HSPA4L: variants seen among roughly 807,000 people sequenced by gnomAD.
HSPA4L encodes the protein heat shock protein family A (Hsp70) member 4 like, also known as heat shock 70 kDa protein 4L.
In HSPA4L, 48 loss-of-function variants were observed where a neutral mutation model predicts 100.3. The observed-to-expected ratio is 0.48, with a 90% CI of 0.38 to 0.61. HSPA4L has a LOEUF of 0.61. HSPA4L is among the 20% of genes least tolerant of loss of function. HSPA4L has a pLI of 0.00. For synonymous variants in HSPA4L, 319 were observed against 328.2 expected (o/e 0.97, Z 0.30); for missense variants, 886 against 988.6 (o/e 0.90, Z 1.39).
Position 127,830,725 on chromosome 4 carries a change from A to G in HSPA4L, c.2254A>G (p.Met752Val), listed in dbSNP as rs1734059363. 1.2e-6 allele frequency: 2 copies of G among 1,611,120 alleles called. No homozygotes were observed. The highest frequency in any genetic ancestry group is 8.5e-7 in the Non-Finnish European group (1 of 1,178,754). The change falls in exon 18 of 19, where the codon ATG becomes GTG. Residue 752 changes from methionine (M) to valine (V), a missense_variant. By Grantham distance (21) the Met-to-Val change is conservative. Coordinates refer to ENST00000296464, the MANE Select transcript of HSPA4L (RefSeq NM_014278.4). ...SDAMSWLNSK[M>V]NAQNKLSLTQ... Reference sequence around the variant, plus strand: ...TGCCATGAGTTGGCTGAATAGTAAGATGAATGCACAGAACAAACTAAGTCT... The same window carrying G: ...TGCCATGAGTTGGCTGAATAGTAAGGTGAATGCACAGAACAAACTAAGTCT...
intron 6 of HSPA4L, among the ~76,000 whole-genome samples, chr4:127,802,853 C>T (rs1421349707): frequency 7.2e-5 from 11 of 152,106 alleles, no homozygotes; most frequent in Non-Finnish European, 1.5e-4. Context: ...TACTCATATC[C>T]TCCTGTGATA....
intron 11 of HSPA4L, chr4:127,809,180 A>G (rs1733455893): frequency 1.0e-6 from 1 of 992,966 alleles, no homozygotes; most frequent in African/African-American, 1.6e-5. Context: ...ATTGCATCAA[A>G]CTCTTCAGGA....
intron 1 of HSPA4L, among the ~76,000 whole-genome samples, chr4:127,789,074 C>G (rs1732798710): frequency 6.6e-6 from 1 of 152,178 alleles, no homozygotes; most frequent in African/African-American, 2.4e-5. Flanking sequence ...CAACAAATCT[C>G]TTCTGGTAGT....
chr4:127,814,645 G>T (rs1052089191), intron 12 of HSPA4L, among the ~76,000 whole-genome samples: 2 of 151,946 alleles, frequency 1.3e-5, no homozygotes, highest in African/African-American at 4.8e-5. Context: ...TCGGCTCGTT[G>T]CAACCTCCAC....
At chr4:127,783,117 G>A (rs1732613153) in intron 1 of HSPA4L, among the ~76,000 whole-genome samples, 1 of 151,804 alleles carries the variant, frequency 6.6e-6, no homozygotes, top group Non-Finnish European at 1.5e-5. Flanking sequence ...TCTCAGAAAA[G>A]TAAAAAGTCA....
chr4:127,795,875 G>T lies in HSPA4L; in HGVS notation c.273G>T (p.Leu91=). The T allele has an allele frequency of 1.2e-6, 2 of 1,613,644 alleles. No homozygotes were observed. The highest frequency in any genetic ancestry group is 1.1e-5 in the South Asian group (1 of 91,046). The change falls in exon 3 of 19, where the codon CTG becomes CTT. Residue 91 remains leucine, a synonymous_variant. Coordinates refer to ENST00000296464, the MANE Select transcript of HSPA4L (RefSeq NM_014278.4). ...AAAGGATCAGGCTTCCCTATGAACTGCAGAAAATGCCTAATGGAAGTGCAG... is the reference window on the plus strand; with the variant it reads ...AAAGGATCAGGCTTCCCTATGAACTTCAGAAAATGCCTAATGGAAGTGCAG... ...QTERIRLPYE[L]QKMPNGSAGV...
chr4:127,782,261 C>T (rs1390145058), upstream of HSPA4L: 2 of 428,226 alleles, frequency 4.7e-6, no homozygotes, highest in East Asian at 1.0e-4. Context: ...GCGCGCCTCC[C>T]GGGCAGCCGA....
intron 10 of HSPA4L, among the ~76,000 whole-genome samples, chr4:127,807,181 A>G (rs1443646869): frequency 6.6e-6 from 1 of 152,024 alleles, no homozygotes; most frequent in Non-Finnish European, 1.5e-5. Flanking sequence ...AAAATCTTCC[A>G]TACTTATAGT....
rs552809080 is a variant in HSPA4L, at chr4:127,826,871, T to C, written c.2047-434T>C. Among the ~76,000 whole-genome samples, 7 of 152,252 alleles carry C rather than the reference T, an allele frequency of 4.6e-5. No homozygotes were observed. The East Asian group carries it at 1.3e-3, about 29-fold the overall frequency. Reference sequence around the variant, plus strand: ...ACTGATTAAATGTATAAATAATATTTAGTTGATAATAATTATCAGTCCCAG... The same window carrying C: ...ACTGATTAAATGTATAAATAATATTCAGTTGATAATAATTATCAGTCCCAG... On this transcript the variant is annotated intron_variant, in intron 16 of 18. Coordinates refer to ENST00000296464, the MANE Select transcript of HSPA4L (RefSeq NM_014278.4).
intron 12 of HSPA4L, among the ~76,000 whole-genome samples, 175 bp from the exon 13 acceptor site, chr4:127,818,145 CACTTT>C (rs1560666569): frequency 6.6e-6 from 1 of 152,154 alleles, no homozygotes; most frequent in East Asian, 1.9e-4. Flanking sequence ...TAGATCTTTT[CACTTT>C]ACTTCCCTGT....
intron 14 of HSPA4L, among the ~76,000 whole-genome samples, chr4:127,822,194 T>A (rs910441898): frequency 1.1e-4 from 16 of 152,156 alleles, no homozygotes; most frequent in African/African-American, 3.6e-4. Context: ...TTCTCCCAGT[T>A]CCCTACTTTC....
Position 127,840,242 on chromosome 4 carries a change from T to C in HSPA4L, c.*7368T>C, listed in dbSNP as rs2148806320. 1 of 152,182 alleles carries C rather than the reference T, an allele frequency of 6.6e-6. No individual in the cohort carries two copies. The highest frequency in any genetic ancestry group is 6.5e-5 in the Admixed American group (1 of 15,270). The allele number at this position is 152,182 out of a possible 1,614,324, so 9.4% of individuals were successfully genotyped here. On this transcript the variant is annotated 3_prime_UTR_variant, in exon 19 of 19. Transcript: ENST00000296464. ...TCTCAAGAAAAAAATAAATAAATAA[T>C]AATTTGTGTATGTGATGACTGACTC...
intron 3 of HSPA4L, among the ~76,000 whole-genome samples, chr4:127,796,194 C>A (rs985514708): frequency 6.6e-6 from 1 of 151,830 alleles, no homozygotes; most frequent in Non-Finnish European, 1.5e-5. Context: ...GAAGAATAGA[C>A]CCAAAAAGTA....
chr4:127,808,578 AGAGGATTGCTT>A (rs2148789276), intron 11 of HSPA4L, among the ~76,000 whole-genome samples: 1 of 152,256 alleles, frequency 6.6e-6, no homozygotes, highest in Non-Finnish European at 1.5e-5. Context: ...CTTGACTACC[AGAGGATTGCTT>A]GAGCCCAGGA....
At chr4:127,821,476 A>G (rs1234142338) in intron 14 of HSPA4L, among the ~76,000 whole-genome samples, 1 of 152,172 alleles carries the variant, frequency 6.6e-6, no homozygotes, top group African/African-American at 2.4e-5. Flanking sequence ...CTCAAGTATT[A>G]TAATCTTCAG....
chr4:127,828,107 C>T (rs1733993969), intron 17 of HSPA4L, among the ~76,000 whole-genome samples: 1 of 151,914 alleles, frequency 6.6e-6, no homozygotes. Context: ...TCTTATCTGC[C>T]ACTGTAGCAC....
chr4:127,817,129 G>C (rs149059346), intron 12 of HSPA4L, among the ~76,000 whole-genome samples: 1 of 151,978 alleles, frequency 6.6e-6, no homozygotes, highest in Non-Finnish European at 1.5e-5. Flanking sequence ...GCAGTGGCAC[G>C]ATCTCAGCTC....
At position 127,784,878 on chromosome 4, in the gene HSPA4L, A is replaced by G. The variant is rs1471505353; in HGVS notation, c.107+2221A>G. ...CACATAAATAAAATGTTAGCTTTGC[A>G]AATAAAATGTTTTTCATATTCCAAT... On this transcript the variant is annotated intron_variant, in intron 1 of 18. Coordinates refer to ENST00000296464, the MANE Select transcript of HSPA4L (RefSeq NM_014278.4). Among the ~76,000 whole-genome samples the G allele has an allele frequency of 2.0e-5, 3 of 152,386 alleles. No homozygotes were observed. In the East Asian group the frequency reaches 5.8e-4, roughly 29 times the overall value.
intron 1 of HSPA4L, among the ~76,000 whole-genome samples, chr4:127,789,573 G>C (rs574767057): frequency 6.6e-6 from 1 of 152,016 alleles, no homozygotes; most frequent in Non-Finnish European, 1.5e-5. Flanking sequence ...GCGTGAACCC[G>C]GGAGGTGGAG....
Sources: allele counts gnomAD v4.1 joint callset (sites outside exome capture counted in the v4.1 genomes callset), GRCh38; gene constraint gnomAD v4.1.1; transcripts MANE v1.5; gene names NCBI Gene and HGNC (gene_info 2026-07-23, HGNC 2026-07-21).